Variants in KCTD16 observed in about 807,000 individuals in gnomAD.
KCTD16 encodes the protein potassium channel tetramerization domain containing 16, also known as BTB/POZ domain-containing protein KCTD16.
KCTD16 carries 13 observed loss-of-function variants against 33.2 expected under a neutral mutation model. That is an observed-to-expected ratio of 0.39 (90% CI 0.25 to 0.62). The LOEUF (loss-of-function observed/expected upper bound fraction) is 0.62, where lower values mean the gene tolerates loss of function less well. Ranked by LOEUF, KCTD16 falls within the 20% of genes least tolerant of loss-of-function variation. The pLI is 0.50. For synonymous variants in KCTD16, 197 were observed against 195.3 expected (o/e 1.01, Z -0.07); for missense variants, 441 against 525.1 (o/e 0.84, Z 1.57).
intron 3 of KCTD16, among the ~76,000 whole-genome samples, chr5:144,257,766 C>T (rs1754892722): frequency 6.6e-6 from 1 of 152,136 alleles, no homozygotes; most frequent in African/African-American, 2.4e-5. Flanking sequence ...GGATTACAGG[C>T]GTGAGCCACC....
chr5:144,181,210 G>A (rs905112320), intron 2 of KCTD16, among the ~76,000 whole-genome samples: 6 of 152,272 alleles, frequency 3.9e-5, no homozygotes, highest in East Asian at 3.9e-4. Flanking sequence ...TGGGATTACA[G>A]GCGTGAGCCA....
At chr5:144,271,762 C>T (rs1465256473) in intron 3 of KCTD16, among the ~76,000 whole-genome samples, 3 of 86,462 alleles carry the variant, frequency 3.5e-5, no homozygotes, top group Non-Finnish European at 8.9e-5. Context: ...CTAAAAACTA[C>T]ACACACACAC....
chr5:144,279,517 A>G (rs1451283554), intron 3 of KCTD16, among the ~76,000 whole-genome samples: 1 of 152,252 alleles, frequency 6.6e-6, no homozygotes. Flanking sequence ...CAGACTGGGT[A>G]ATTTATAAGA....
At chr5:144,467,901 A>G (rs1754383569) in intron 3 of KCTD16, among the ~76,000 whole-genome samples, 1 of 152,104 alleles carries the variant, frequency 6.6e-6, no homozygotes, top group African/African-American at 2.4e-5. Context: ...TTAACCACAC[A>G]GGCTAACTAC....
intron 3 of KCTD16, among the ~76,000 whole-genome samples, chr5:144,362,378 T>G (rs244532): frequency 0.34 from 51,917 of 151,984 alleles, 9,733 homozygotes; most frequent in African/African-American, 0.5. Context: ...CCTCTGGAAA[T>G]GTGATAGATC....
intron 2 of KCTD16, among the ~76,000 whole-genome samples, chr5:144,192,053 G>A (rs1398829366): frequency 2.0e-5 from 3 of 152,172 alleles, no homozygotes; most frequent in African/African-American, 7.2e-5. Flanking sequence ...TGTCAAGTTG[G>A]TGGACCAAAG....
At chr5:144,470,926 A>G (rs1252027609) in intron 3 of KCTD16, among the ~76,000 whole-genome samples, 19 of 152,298 alleles carry the variant, frequency 1.2e-4, no homozygotes, top group African/African-American at 4.6e-4. Context: ...CACACCTATA[A>G]TCCCAGCACT....
At position 144,464,759 on chromosome 5, in the gene KCTD16, CTCT is replaced by C. The variant is rs371918283; in HGVS notation, c.833-8883_833-8881del. Reference sequence around the variant, plus strand: ...CTTTCTCCTCTTCCTCTTCCTCTTCCTCTTCTTCTTCTTCTTCTTCCTCTTCTT... The same window carrying C: ...CTTTCTCCTCTTCCTCTTCCTCTTCCTCTTCTTCTTCTTCTTCCTCTTCTT... On this transcript the variant is annotated intron_variant, in intron 3 of 3. Coordinates refer to ENST00000512467, the MANE Select transcript of KCTD16 (RefSeq NM_020768.4). Among the ~76,000 whole-genome samples the C allele has an allele frequency of 3.8e-3, 563 of 147,034 alleles. 2 individuals are homozygous for C. Among genetic ancestry groups the C allele is most frequent in the East Asian group, 0.012 (60 of 5,030 alleles).
rs371451968 is a variant in KCTD16 at position 144,434,494 on chromosome 5, C to A, written c.833-39166C>A. ...GATTACGGCAATCCTTTTAAAAGGC[C>A]AGAGGGAGGGAAAATTAGGCTCCAT... On this transcript the variant is annotated intron_variant, in intron 3 of 3. Coordinates refer to ENST00000512467, the MANE Select transcript of KCTD16 (RefSeq NM_020768.4). Among the ~76,000 whole-genome samples the A allele has an allele frequency of 3.7e-4, 57 of 152,080 alleles. 1 individual carries two copies. In the South Asian group the frequency reaches 0.011, roughly 28 times the overall value.
At chr5:144,435,527 A>G (rs1007114409) in intron 3 of KCTD16, among the ~76,000 whole-genome samples, 1 of 152,208 alleles carries the variant, frequency 6.6e-6, no homozygotes, top group African/African-American at 2.4e-5. Flanking sequence ...CCTTTTAAGG[A>G]ATATTGTGTT....
chr5:144,443,977 T>C (rs1207420420), intron 3 of KCTD16, among the ~76,000 whole-genome samples: 1 of 152,106 alleles, frequency 6.6e-6, no homozygotes, highest in African/African-American at 2.4e-5. Context: ...TTGATAACTT[T>C]CTTGCTATCA....
intron 2 of KCTD16, among the ~76,000 whole-genome samples, chr5:144,203,799 TG>T (rs1354324700): frequency 6.6e-6 from 1 of 152,248 alleles, no homozygotes; most frequent in Non-Finnish European, 1.5e-5. Flanking sequence ...ATATTTATTT[TG>T]TTGTCATGGT....
chr5:144,399,000 G>T (rs1752641762), intron 3 of KCTD16, among the ~76,000 whole-genome samples: 1 of 151,912 alleles, frequency 6.6e-6, no homozygotes, highest in Non-Finnish European at 1.5e-5. Flanking sequence ...AAATCTCTAA[G>T]TACCAGAGTG....
At chr5:144,273,768 G>A (rs1013402400) in intron 3 of KCTD16, among the ~76,000 whole-genome samples, 1 of 150,836 alleles carries the variant, frequency 6.6e-6, no homozygotes, top group African/African-American at 2.4e-5. Context: ...GTTGTCAGGG[G>A]CTGGGGGGAG....
At chr5:144,347,480 A>G (rs1302572711) in intron 3 of KCTD16, among the ~76,000 whole-genome samples, 2 of 152,158 alleles carry the variant, frequency 1.3e-5, no homozygotes, top group Non-Finnish European at 2.9e-5. Context: ...CTGCAATCCC[A>G]GCTACTTGGG....
chr5:144,467,962 G>T (rs76577550), intron 3 of KCTD16, among the ~76,000 whole-genome samples: 2 of 152,120 alleles, frequency 1.3e-5, no homozygotes, highest in East Asian at 3.9e-4. Context: ...AATAGAGGGT[G>T]CTAGAGGGAG....
At chr5:144,438,542 C>T (rs1480264198) in intron 3 of KCTD16, among the ~76,000 whole-genome samples, 2 of 152,164 alleles carry the variant, frequency 1.3e-5, no homozygotes, top group African/African-American at 4.8e-5. Context: ...GAGGCGGGCT[C>T]ATCCACTCAA....
intron 3 of KCTD16, among the ~76,000 whole-genome samples, chr5:144,258,223 A>T (rs1754904982): frequency 6.6e-6 from 1 of 152,128 alleles, no homozygotes; most frequent in Non-Finnish European, 1.5e-5. Context: ...GTCTTTAGTG[A>T]GTACCAATGC....
At position 144,356,583 on chromosome 5, in the gene KCTD16, T is replaced by C. The variant is rs575091629; in HGVS notation, c.833-117077T>C. ...AAGGGGTCCAGTTCCTAATGTGTGT[T>C]TGTCTGCATCCCAGGAGTTTTTATT... On this transcript the variant is annotated intron_variant, in intron 3 of 3. Coordinates refer to ENST00000512467, the MANE Select transcript of KCTD16 (RefSeq NM_020768.4). Among the ~76,000 whole-genome samples the C allele has an allele frequency of 2.0e-5, 3 of 152,286 alleles. No individual in the cohort carries two copies. The South Asian group carries it at 6.2e-4, about 32-fold the overall frequency.
Sources: gnomAD v4.1 joint callset for allele counts (sites outside exome capture counted in the v4.1 genomes callset) on GRCh38, gnomAD v4.1.1 for gene constraint, MANE v1.5 for transcripts, NCBI Gene and HGNC (gene_info 2026-07-23, HGNC 2026-07-21) for gene names.